DOCK8: variants seen among roughly 807,000 people sequenced by gnomAD.
DOCK8 encodes the protein dedicator of cytokinesis 8, also known as dedicator of cytokinesis protein 8.
A neutral mutation model predicts 245.6 loss-of-function variants in DOCK8; 141 were observed. The observed-to-expected ratio is 0.57, with a 90% confidence interval of 0.50 to 0.66. The LOEUF (loss-of-function observed/expected upper bound fraction) is 0.66. DOCK8 is among the 30% of genes least tolerant of loss of function. DOCK8 has a pLI of 0.00. For synonymous variants in DOCK8, 1,168 were observed against 970.2 expected (o/e 1.20, Z -3.79); for missense variants, 2,965 against 2,603.4 (o/e 1.14, Z -3.02).
chr9:250,889 C>T (rs679542), intron 1 of DOCK8, among the ~76,000 whole-genome samples: 33,839 of 151,898 alleles, frequency 0.22, 4,420 homozygotes, highest in East Asian at 0.39. Flanking sequence ...TGGTAGCCTG[C>T]GAACATTGGA....
rs765704451 is a variant in DOCK8 at position 332,403 on chromosome 9, A to G, written c.1050A>G (p.Glu350=). The G allele has an allele frequency of 1.2e-5, 20 of 1,610,874 alleles. No homozygotes were observed. The highest frequency in any genetic ancestry group is 1.6e-5 in the Non-Finnish European group (19 of 1,177,150). The change falls in exon 10 of 48, where the codon GAA becomes GAG. Residue 350 remains glutamate (E), a synonymous_variant. Coordinates refer to ENST00000432829, the MANE Select transcript of DOCK8 (RefSeq NM_203447.4). ...AATATTCTTTTTATTGGTAGATTGA[A>G]AAAGTCCTGCAGCAGGGAGAGATTG... ...SSDIYLVVKI[E]KVLQQGEIGD... is the part of the protein sequence containing the mutation.
At chr9:360,175 G>A (rs1049558437) in intron 14 of DOCK8, among the ~76,000 whole-genome samples, 1 of 152,032 alleles carries the variant, frequency 6.6e-6, no homozygotes, top group African/African-American at 2.4e-5. Flanking sequence ...AATTAGCCGG[G>A]CCTGGTAGCA....
rs2056189249 is a variant in DOCK8 at position 419,584 on chromosome 9, A to G, written c.3841-817A>G. Among the ~76,000 whole-genome samples the G allele has an allele frequency of 2.0e-5, 3 of 152,290 alleles. No individual in the cohort carries two copies. The South Asian group carries it at 6.2e-4, about 32-fold the overall frequency. On this transcript the variant is annotated intron_variant, in intron 30 of 47. Transcript: ENST00000432829. Reference sequence around the variant, plus strand: ...AAGTTAAAGTTGCTTTATAACCTCTATTATTTCCATCCAAAACTAACATTT... The same window carrying G: ...AAGTTAAAGTTGCTTTATAACCTCTGTTATTTCCATCCAAAACTAACATTT...
intron 1 of DOCK8, among the ~76,000 whole-genome samples, chr9:266,162 A>G (rs1428746584): frequency 6.6e-6 from 1 of 152,150 alleles, no homozygotes; most frequent in Non-Finnish European, 1.5e-5. Flanking sequence ...CTTGTTTTAA[A>G]AGCTCCCTAA....
Position 396,893 on chromosome 9 carries a change from G to C in DOCK8, c.3079G>C (p.Val1027Leu), listed in dbSNP as rs199782622. 6.2e-7 allele frequency: 1 copy of C among 1,614,098 alleles called. No individual in the cohort carries two copies. Among genetic ancestry groups the C allele is most frequent in the African/African-American group, 1.3e-5 (1 of 75,020 alleles). Reference protein sequence around the residue: ...MDDITTIVNVVTSEIAALLVK... With the variant: ...MDDITTIVNVLTSEIAALLVK... ...TGACATAACTACTATTGTTAATGTG[G>C]TCACCTCGGAAATTGCAGCCCTTTT... Residue 1027 changes from valine (V) to leucine (L), a missense_variant, in exon 25 of 48, where the codon GTC becomes CTC. Transcript: ENST00000432829.
chr9:464,113 C>T (rs565061236), intron 47 of DOCK8, 46 bp from the exon 48 acceptor site: 2 of 1,511,806 alleles, frequency 1.3e-6, no homozygotes, highest in Non-Finnish European at 1.8e-6. Flanking sequence ...TTTCTTGCTT[C>T]TGTACGCTCT....
chr9:269,210 T>C (rs1490072911), intron 1 of DOCK8, among the ~76,000 whole-genome samples: 1 of 152,222 alleles, frequency 6.6e-6, no homozygotes, highest in South Asian at 2.1e-4. Flanking sequence ...CCACTCTCCA[T>C]TTCTCTACAA....
chr9:344,943 T>C (rs2051803708), intron 14 of DOCK8, among the ~76,000 whole-genome samples: 1 of 151,986 alleles, frequency 6.6e-6, no homozygotes, highest in African/African-American at 2.4e-5. Context: ...TCCCAGCTAC[T>C]CAGGAGGCTG....
In DOCK8 at chr9:340,338, C is replaced by T. The variant is rs773902017; in HGVS notation, c.1679+17C>T. 1.5e-5 allele frequency: 25 copies of T among 1,613,714 alleles called. No individual in the cohort carries two copies. The highest frequency in any genetic ancestry group is 1.3e-4 in the African/African-American group (10 of 74,896). ...TGTGTACAGGTAAGAAACACAGGCT[C>T]GGGCTGGGCGTGGTGGCTTACACCA... On this transcript the variant is annotated intron_variant, in intron 14 of 47. Transcript: ENST00000432829.
intron 44 of DOCK8, among the ~76,000 whole-genome samples, chr9:447,953 C>CT (rs1464005092): frequency 6.6e-6 from 1 of 152,228 alleles, no homozygotes; most frequent in Non-Finnish European, 1.5e-5. Flanking sequence ...CTTTTGAACA[C>CT]TGAGACATTC....
chr9:325,526 A>C (rs987941036), intron 7 of DOCK8, 145 bp from the exon 8 acceptor site: 1 of 718,874 alleles, frequency 1.4e-6, no homozygotes, highest in Non-Finnish European at 2.5e-6. Context: ...TTAATATCCC[A>C]GTGCGATTCT....
chr9:376,186 C>CT (rs573942341), intron 18 of DOCK8, 24 bp from the exon 19 acceptor site: 10,802 of 1,315,068 alleles, frequency 8.2e-3, no homozygotes, highest in Non-Finnish European at 0.01. Context: ...GATTGCTAAT[C>CT]TTTTTTTTTT....
intron 1 of DOCK8, 110 bp downstream of exon 1, chr9:215,139 C>T: frequency 6.8e-7 from 1 of 1,461,540 alleles, no homozygotes; most frequent in Non-Finnish European, 8.9e-7. Context: ...GCGTCCGCGG[C>T]GGGGCGCGCC....
rs2057201916 is a variant in DOCK8 at position 444,829 on chromosome 9, A to C, written c.5580+1313A>C. Among the ~76,000 whole-genome samples, 3 of 152,234 alleles carry C rather than the reference A, an allele frequency of 2.0e-5. No homozygotes were observed. In the South Asian group the frequency reaches 6.2e-4, roughly 32 times the overall value. On this transcript the variant is annotated intron_variant, in intron 43 of 47. Coordinates refer to ENST00000432829, the MANE Select transcript of DOCK8 (RefSeq NM_203447.4). Reference sequence around the variant, plus strand: ...ATATTCTTTATTATACCACAAGCTGATGCTGCCCACTCAGCCCAACTCACA... The same window carrying C: ...ATATTCTTTATTATACCACAAGCTGCTGCTGCCCACTCAGCCCAACTCACA...
In DOCK8 at chr9:428,496, G is replaced by A; in HGVS notation, c.4473G>A (p.Lys1491=). The change falls in exon 35 of 48, where the codon AAG becomes AAA. Residue 1491 remains lysine (K), a splice_region_variant and synonymous_variant. Transcript: ENST00000432829. Reference sequence around the variant, plus strand: ...CAACACTCCGTGCTCTCATCGCCAAGGTAAACTTGGGATGCTTGTTTTCTT... The same window carrying A: ...CAACACTCCGTGCTCTCATCGCCAAAGTAAACTTGGGATGCTTGTTTTCTT... ...CFATLRALIA[K]FGDLLFEEEV... is the part of the protein sequence containing the mutation. The A allele has an allele frequency of 6.2e-7, 1 of 1,614,122 alleles. No homozygotes were observed. Among genetic ancestry groups the A allele is most frequent in the Non-Finnish European group, 8.5e-7 (1 of 1,180,000 alleles).
chr9:224,933 A>C (rs1302821148), intron 1 of DOCK8, among the ~76,000 whole-genome samples: 1 of 152,166 alleles, frequency 6.6e-6, no homozygotes, highest in African/African-American at 2.4e-5. Flanking sequence ...GAACAAGACT[A>C]TCACCCACCT....
At chr9:404,788 C>T (rs2055335807) in intron 26 of DOCK8, 130 bp from the exon 27 acceptor site, 4 of 923,608 alleles carry the variant, frequency 4.3e-6, no homozygotes, top group Non-Finnish European at 6.8e-6. Flanking sequence ...CCATCTGTTG[C>T]ACTATCCCAT....
intron 14 of DOCK8, chr9:366,540 C>G (rs890675578): frequency 2.0e-5 from 3 of 152,122 alleles, no homozygotes; most frequent in African/African-American, 7.2e-5. Context: ...GTGGGATGTT[C>G]TTCTGTGACT....
intron 14 of DOCK8, among the ~76,000 whole-genome samples, chr9:355,866 T>C (rs2052418921): frequency 6.6e-6 from 1 of 152,168 alleles, no homozygotes. Context: ...GAGTACTGAG[T>C]GAAATGGTCA....
Sources: gnomAD v4.1 joint callset for allele counts (sites outside exome capture counted in the v4.1 genomes callset) on GRCh38, gnomAD v4.1.1 for gene constraint, MANE v1.5 for transcripts, NCBI Gene and HGNC (gene_info 2026-07-23, HGNC 2026-07-21) for gene names.